Variants in PRKN observed in about 807,000 individuals in gnomAD.
The protein encoded by PRKN is parkin RBR E3 ubiquitin protein ligase.
A neutral mutation model predicts 59.5 loss-of-function variants in PRKN; 56 were observed. That is an observed-to-expected ratio of 0.94 (90% CI 0.76 to 1.18). The LOEUF (loss-of-function observed/expected upper bound fraction) is 1.18. PRKN is among the 50% of genes most tolerant of loss of function. The pLI is 0.00. For synonymous variants in PRKN, 250 were observed against 222.1 expected (o/e 1.13, Z -1.12); for missense variants, 657 against 596.4 (o/e 1.10, Z -1.06).
intron 9 of PRKN, among the ~76,000 whole-genome samples, chr6:161,512,755 C>T (rs182109110): frequency 4.6e-5 from 7 of 152,278 alleles, no homozygotes; most frequent in Non-Finnish European, 7.4e-5. Context: ...GGCAAGTGCC[C>T]CTGACTCTTA....
At chr6:161,854,968 A>T (rs549806566) in intron 6 of PRKN, among the ~76,000 whole-genome samples, 1 of 151,716 alleles carries the variant, frequency 6.6e-6, no homozygotes, top group East Asian at 1.9e-4. Flanking sequence ...CTGTAGTCCC[A>T]GCTACTGAGG....
intron 1 of PRKN, among the ~76,000 whole-genome samples, chr6:162,463,874 A>G (rs1791288266): frequency 1.3e-5 from 2 of 152,228 alleles, no homozygotes; most frequent in Non-Finnish European, 2.9e-5. Flanking sequence ...GACACTGTCT[A>G]TCATTTCCTT....
Position 161,858,370 on chromosome 6 carries a change from T to C in PRKN, c.735-72462A>G, listed in dbSNP as rs1173769823. Reference sequence around the variant, plus strand: ...CTGCATATTTAACATTGGTTCTCCATTTGTAGCCGGACAACCAGATAGTAC... The same window carrying C: ...CTGCATATTTAACATTGGTTCTCCACTTGTAGCCGGACAACCAGATAGTAC... On this transcript the variant is annotated intron_variant, in intron 6 of 11. Coordinates refer to ENST00000366898, the MANE Select transcript of PRKN (RefSeq NM_004562.3). Among the ~76,000 whole-genome samples, 3 of 152,188 alleles carry C rather than the reference T, an allele frequency of 2.0e-5. No individual in the cohort carries two copies. In the East Asian group the frequency reaches 5.8e-4, roughly 29 times the overall value.
intron 7 of PRKN, among the ~76,000 whole-genome samples, chr6:161,726,907 T>C (rs1787464394): frequency 6.6e-6 from 1 of 152,130 alleles, no homozygotes; most frequent in Non-Finnish European, 1.5e-5. Context: ...GTTTGGCTCT[T>C]CCAAAATAGT....
chr6:162,598,446 T>C (rs13210412), intron 1 of PRKN, among the ~76,000 whole-genome samples: 18,466 of 152,210 alleles, frequency 0.12, 1,230 homozygotes, highest in Middle Eastern at 0.2. Flanking sequence ...TCATGGAGCT[T>C]ACATTTTAGA....
At chr6:161,680,775 A>ATATATATATAT (rs1216235673) in intron 7 of PRKN, among the ~76,000 whole-genome samples, 2 of 30,620 alleles carry the variant, frequency 6.5e-5, no homozygotes, top group Non-Finnish European at 1.2e-4. Context: ...ATATATATAT[A>ATATATATATAT]TTTTTTTTTT....
At chr6:161,713,739 C>T (rs139346442) in intron 7 of PRKN, among the ~76,000 whole-genome samples, 36 of 152,222 alleles carry the variant, frequency 2.4e-4, no homozygotes, top group African/African-American at 7.7e-4. Context: ...TTTGTAACAC[C>T]GTGGTATGGT....
intron 4 of PRKN, among the ~76,000 whole-genome samples, chr6:162,163,068 A>G (rs1463428557): frequency 6.7e-6 from 1 of 149,284 alleles, no homozygotes; most frequent in African/African-American, 2.5e-5. Context: ...CTGGGATATT[A>G]CTATTCATTT....
intron 8 of PRKN, among the ~76,000 whole-genome samples, chr6:161,564,951 T>C (rs990113731): frequency 2.0e-5 from 3 of 152,208 alleles, no homozygotes; most frequent in African/African-American, 7.2e-5. Context: ...ATGTGAAGTC[T>C]TTCATTCTTT....
At chr6:162,328,091 T>C (rs1429487297) in intron 2 of PRKN, among the ~76,000 whole-genome samples, 2 of 79,152 alleles carry the variant, frequency 2.5e-5, no homozygotes, top group Non-Finnish European at 6.1e-5. Context: ...TCGGGTGCGG[T>C]GGCTGACGCG....
At chr6:161,660,171 T>C (rs1413482697) in intron 7 of PRKN, among the ~76,000 whole-genome samples, 1 of 152,160 alleles carries the variant, frequency 6.6e-6, no homozygotes, top group Non-Finnish European at 1.5e-5. Flanking sequence ...GGGTAGCGGA[T>C]GGAGGCCATG....
chr6:162,107,263 G>A (rs1289140338), intron 4 of PRKN, among the ~76,000 whole-genome samples: 3 of 152,220 alleles, frequency 2.0e-5, no homozygotes, highest in African/African-American at 4.8e-5. Flanking sequence ...TCAGGAGTTC[G>A]AGACCAGCCT....
Position 161,382,297 on chromosome 6 carries a change from T to A in PRKN, c.1167+4497A>T, listed in dbSNP as rs563339881. On this transcript the variant is annotated intron_variant, in intron 10 of 11. Transcript: ENST00000366898. ...AGATGGCTTCTGGGAGGAGGTAACATGATCTGGGCCTAGAATGTTGAGCAG... is the reference window on the plus strand; with the variant it reads ...AGATGGCTTCTGGGAGGAGGTAACAAGATCTGGGCCTAGAATGTTGAGCAG... Among the ~76,000 whole-genome samples, 4 of 152,086 alleles carry A rather than the reference T, an allele frequency of 2.6e-5. No homozygotes were observed. The East Asian group carries it at 5.8e-4, about 22-fold the overall frequency.
chr6:162,231,331 TA>T (rs1778411736), intron 3 of PRKN, among the ~76,000 whole-genome samples: 9 of 152,228 alleles, frequency 5.9e-5, no homozygotes, highest in Admixed American at 5.9e-4. Context: ...CCCAGTGTTA[TA>T]AATAGTGTTT....
chr6:162,012,682 C>T (rs550721122), intron 5 of PRKN, among the ~76,000 whole-genome samples: 1 of 152,196 alleles, frequency 6.6e-6, no homozygotes, highest in East Asian at 1.9e-4. Flanking sequence ...AACACCCAAG[C>T]CCCCCAAATT....
At chr6:161,668,464 T>G (rs569896953) in intron 7 of PRKN, among the ~76,000 whole-genome samples, 1 of 152,344 alleles carries the variant, frequency 6.6e-6, no homozygotes, top group South Asian at 2.1e-4. Context: ...AAAACCCATC[T>G]ATGGATTCTA....
chr6:162,495,395 T>C (rs1177002060), intron 1 of PRKN, among the ~76,000 whole-genome samples: 1 of 152,162 alleles, frequency 6.6e-6, no homozygotes, highest in Non-Finnish European at 1.5e-5. Context: ...CTCAAATATT[T>C]TGAAATGGTA....
chr6:162,059,014 C>T (rs895540775), intron 4 of PRKN, among the ~76,000 whole-genome samples: 1 of 151,332 alleles, frequency 6.6e-6, no homozygotes, highest in African/African-American at 2.4e-5. Flanking sequence ...GAATTAGGGC[C>T]CAGTTATATT....
intron 1 of PRKN, among the ~76,000 whole-genome samples, chr6:162,622,111 C>A (rs187434318): frequency 3.6e-4 from 54 of 150,532 alleles, no homozygotes; most frequent in African/African-American, 1.2e-3. Flanking sequence ...CCGCACCCAG[C>A]CTAATCTTCA....
Sources: gnomAD v4.1 joint callset for allele counts (sites outside exome capture counted in the v4.1 genomes callset) on GRCh38, gnomAD v4.1.1 for gene constraint, MANE v1.5 for transcripts, NCBI Gene and HGNC (gene_info 2026-07-23, HGNC 2026-07-21) for gene names.